Variants in GDPD5 observed in about 807,000 individuals in gnomAD.
GDPD5 encodes the protein glycerophosphodiester phosphodiesterase domain containing 5.
Under a neutral mutation model 75.1 loss-of-function variants are expected in GDPD5, and 48 were observed. The ratio of observed to expected loss-of-function variants is 0.64; its 90% CI spans 0.51 to 0.81. GDPD5 has a LOEUF of 0.81. Among genes scored for constraint, GDPD5 ranks in the 40% least tolerant of loss-of-function variants. The pLI is 0.00. For missense variants in GDPD5, 706 were observed against 822.6 expected (o/e 0.86, Z 1.73); for synonymous variants, 336 against 339.0 (o/e 0.99, Z 0.10).
chr11:75,522,892 G>A (rs1052616041), intron 1 of GDPD5, among the ~76,000 whole-genome samples: 27 of 152,040 alleles, frequency 1.8e-4, no homozygotes, highest in Non-Finnish European at 3.5e-4. Flanking sequence ...AGCCAAGGGA[G>A]GGGGTAAGAA....
chr11:75,441,520 G>A, intron 13 of GDPD5, 126 bp downstream of exon 13: 2 of 1,155,134 alleles, frequency 1.7e-6, no homozygotes, highest in East Asian at 2.6e-5. Flanking sequence ...TGATTCCTCT[G>A]TGTGCCCATC....
At chr11:75,481,805 C>A (rs529051668) in intron 2 of GDPD5, among the ~76,000 whole-genome samples, 1 of 152,146 alleles carries the variant, frequency 6.6e-6, no homozygotes, top group East Asian at 1.9e-4. Flanking sequence ...GAGGCGGGTG[C>A]AATGTGGAAA....
At chr11:75,491,803 A>G (rs1477830689) in intron 1 of GDPD5, among the ~76,000 whole-genome samples, 1 of 152,198 alleles carries the variant, frequency 6.6e-6, no homozygotes, top group Non-Finnish European at 1.5e-5. Flanking sequence ...ATTATTTCAG[A>G]TTTTGAAATG....
At chr11:75,493,389 AT>A (rs1199927007) in intron 1 of GDPD5, among the ~76,000 whole-genome samples, 4 of 151,468 alleles carry the variant, frequency 2.6e-5, no homozygotes, top group African/African-American at 9.7e-5. Context: ...TTATTTTTTT[AT>A]TTTTTTAAGG....
intron 2 of GDPD5, among the ~76,000 whole-genome samples, chr11:75,484,229 A>AT (rs1949976579): frequency 6.6e-6 from 1 of 152,118 alleles, no homozygotes; most frequent in African/African-American, 2.4e-5. Flanking sequence ...ATGTCCTGGA[A>AT]TTAGTGGTGA....
At chr11:75,456,902 G>T (rs1444441606) in intron 5 of GDPD5, 86 bp from the exon 6 acceptor site, 17 of 1,348,912 alleles carry the variant, frequency 1.3e-5, no homozygotes, top group Non-Finnish European at 1.8e-5. Context: ...TCCCCACTGC[G>T]GCTCTGGGCC....
intron 15 of GDPD5, 176 bp from the exon 16 acceptor site, chr11:75,437,224 C>T (rs1275809033): frequency 3.4e-6 from 2 of 580,720 alleles, no homozygotes; most frequent in South Asian, 4.3e-5. Flanking sequence ...GAATCAGAGC[C>T]TACTGACTCT....
At chr11:75,483,495 C>T (rs1281976421) in intron 2 of GDPD5, among the ~76,000 whole-genome samples, 1 of 152,142 alleles carries the variant, frequency 6.6e-6, no homozygotes, top group African/African-American at 2.4e-5. Context: ...ACGCTGTGCC[C>T]CCCAGACTGC....
chr11:75,459,593 C>T (rs1049896702), intron 4 of GDPD5, among the ~76,000 whole-genome samples: 2 of 152,018 alleles, frequency 1.3e-5, no homozygotes, highest in Admixed American at 6.6e-5. Context: ...GAGGCTGAGG[C>T]GGGCAGATCA....
At chr11:75,471,897 T>C (rs998677128) in intron 3 of GDPD5, among the ~76,000 whole-genome samples, 33 of 152,120 alleles carry the variant, frequency 2.2e-4, no homozygotes, top group African/African-American at 8.0e-4. Flanking sequence ...CTCTTGTGGA[T>C]GTAATAATAT....
At chr11:75,488,913 A>G (rs925596916) in intron 2 of GDPD5, among the ~76,000 whole-genome samples, 1 of 152,224 alleles carries the variant, frequency 6.6e-6, no homozygotes, top group East Asian at 1.9e-4. Context: ...GCAGCCCCAC[A>G]CCTGGTGATG....
In GDPD5 at chr11:75,444,581, G is replaced by C. The variant is rs543795796; in HGVS notation, c.715-86C>G. 8.8e-6 allele frequency: 9 copies of C among 1,020,774 alleles called. No homozygotes were observed. The South Asian group carries it at 9.0e-5, about 10-fold the overall frequency. 63.2% of individuals were successfully genotyped at this position (1,020,774 alleles called of 1,614,324 possible). A position where few individuals can be genotyped will look rare whatever the true frequency, so the allele number is the denominator to read the frequency against. On this transcript the variant is annotated intron_variant, in intron 9 of 16. Coordinates refer to ENST00000336898, the MANE Select transcript of GDPD5 (RefSeq NM_030792.8). ...AATGGAAAGTCTTTCATGTTGGGAG[G>C]CTGGGCTAGGCCTGGTTCTAATTCT...
At chr11:75,452,537 CAT>C (rs1352924950) in intron 6 of GDPD5, among the ~76,000 whole-genome samples, 4 of 152,346 alleles carry the variant, frequency 2.6e-5, no homozygotes, top group East Asian at 3.9e-4. Flanking sequence ...GTGCCTGACA[CAT>C]GTGGTCAGCA....
chr11:75,511,814 G>A (rs1414504132), intron 1 of GDPD5, among the ~76,000 whole-genome samples: 1 of 152,218 alleles, frequency 6.6e-6, no homozygotes, highest in Non-Finnish European at 1.5e-5. Context: ...AACAGAGTGG[G>A]CCAGAGACCT....
intron 1 of GDPD5, among the ~76,000 whole-genome samples, chr11:75,497,713 G>A (rs551989340): frequency 2.1e-4 from 32 of 152,264 alleles, no homozygotes; most frequent in South Asian, 2.1e-3. Flanking sequence ...TGACCACTTC[G>A]GTGCCTGGCT....
Position 75,442,459 on chromosome 11 carries a change from G to C in GDPD5, c.1071C>G (p.Leu357=). 1.2e-6 allele frequency: 2 copies of C among 1,613,660 alleles called. No homozygotes were observed. Among genetic ancestry groups the C allele is most frequent in the Admixed American group, 3.3e-5 (2 of 59,976 alleles). ...ELAKGNATLL[L]NLRDPPREHP... ...GCTCCCGGGGCGGGTCACGCAGGTTGAGCAGCAGTGTGGCATTGCCCTTGG... is the reference window on the plus strand; with the variant it reads ...GCTCCCGGGGCGGGTCACGCAGGTTCAGCAGCAGTGTGGCATTGCCCTTGG... The change falls in exon 12 of 17, where the codon CTC becomes CTG. Residue 357 remains leucine (L), a synonymous_variant. Coordinates refer to ENST00000336898, the MANE Select transcript of GDPD5 (RefSeq NM_030792.8).
At chr11:75,491,041 A>G (rs1950098537) in intron 1 of GDPD5, among the ~76,000 whole-genome samples, 1 of 152,192 alleles carries the variant, frequency 6.6e-6, no homozygotes, top group Non-Finnish European at 1.5e-5. Flanking sequence ...CATCACATAG[A>G]GGCAGAGCCA....
intron 1 of GDPD5, among the ~76,000 whole-genome samples, chr11:75,523,610 C>T (rs1449841946): frequency 1.3e-5 from 2 of 152,236 alleles, no homozygotes; most frequent in Non-Finnish European, 2.9e-5. Flanking sequence ...ATCAAGAGGT[C>T]ACAAGTGACT....
At chr11:75,448,740 T>C in intron 9 of GDPD5, 2 of 1,219,160 alleles carry the variant, frequency 1.6e-6, no homozygotes, top group Non-Finnish European at 2.1e-6. Context: ...AAAACCCTCC[T>C]GCATCTTTGC....
Sources: allele counts gnomAD v4.1 joint callset (sites outside exome capture counted in the v4.1 genomes callset), GRCh38; gene constraint gnomAD v4.1.1; transcripts MANE v1.5; gene names NCBI Gene and HGNC (gene_info 2026-07-23, HGNC 2026-07-21).